Variants in SNPH observed in about 807,000 individuals in gnomAD.
SNPH encodes the protein syntaphilin.
SNPH carries 10 observed loss-of-function variants against 36.8 expected under a neutral mutation model. That is an observed-to-expected ratio of 0.27 (90% CI 0.17 to 0.46). The LOEUF is 0.46. Ranked by LOEUF, SNPH falls within the 20% of genes least tolerant of loss-of-function variation. The pLI is 1.00. For missense variants in SNPH, 622 were observed against 744.0 expected (o/e 0.84, Z 1.91); for synonymous variants, 281 against 312.2 (o/e 0.90, Z 1.05).
chr20:1,276,821 A>G lies in SNPH; in HGVS notation c.-493+10061A>G, dbSNP rs192099491. ...GAACAGGAATGTTATTCCGAGAAAC[A>G]GAACTTCAGTCAGATGGATGTTGGG... On this transcript the variant is annotated intron_variant, in intron 2 of 6. Transcript: ENST00000381867. This position sits in a 1 kb window ranked among gnomAD's most constrained non-coding sequence, Gnocchi z 4.6. Among the ~76,000 whole-genome samples, 19 of 152,352 alleles carry G rather than the reference A, an allele frequency of 1.2e-4. No individual in the cohort carries two copies. Among genetic ancestry groups the G allele is most frequent in the African/African-American group, 4.1e-4 (17 of 41,582 alleles).
At position 1,305,797 on chromosome 20, in the gene SNPH, G is replaced by A; in HGVS notation, c.1360G>A (p.Ala454Thr). The A allele has an allele frequency of 6.3e-7, 1 of 1,597,690 alleles. No homozygotes were observed. The highest frequency in any genetic ancestry group is 1.1e-5 in the South Asian group (1 of 89,166). The change falls in exon 7 of 7, where the codon GCT becomes ACT. Residue 454 changes from alanine to threonine, a missense_variant. By Grantham distance (58) the Ala-to-Thr change is moderately conservative. This residue lies in a region of SNPH where 379 missense variants were observed against 427.9 expected (regional missense o/e 0.89). Transcript: ENST00000381867. Reference protein sequence around the residue: ...VVCPMEEEEEAAVAEKEPKSY... With the variant: ...VVCPMEEEEETAVAEKEPKSY... ...GTGCCCCATGGAAGAGGAGGAGGAG[G>A]CTGCCGTGGCTGAGAAGGAGCCCAA...
rs1349760704 is a variant in SNPH at position 1,307,278 on chromosome 20, A to C, written c.*1224A>C. On this transcript the variant is annotated 3_prime_UTR_variant, in exon 7 of 7. Transcript: ENST00000381867. ...CCAGGCCAAAGCAGGGTGTCCTGGG[A>C]TAGGTTTCCTAGGCAGGGGCGTGGC... The C allele has an allele frequency of 6.6e-6, 1 of 152,224 alleles. No homozygotes were observed. The highest frequency in any genetic ancestry group is 1.5e-5 in the Non-Finnish European group (1 of 67,998). 9.4% of individuals were successfully genotyped at this position (152,224 alleles called of 1,614,324 possible). A position where few individuals can be genotyped will look rare whatever the true frequency, so the allele number is the denominator to read the frequency against.
In SNPH at chr20:1,305,814, G is replaced by T; in HGVS notation, c.1377G>T (p.Lys459Asn). ...EEEEEAAVAE[K>N]EPKSYWSRHY... is the part of the protein sequence containing the mutation. ...AGGAGGAGGCTGCCGTGGCTGAGAA[G>T]GAGCCCAAGAGCTACTGGAGCCGCC... The change falls in exon 7 of 7, where the codon AAG (lysine) becomes AAT (asparagine). Residue 459 changes from lysine (K) to asparagine (N), a missense_variant. Around this residue, in one of 3 missense-constraint regions of SNPH, gnomAD observed 379 missense variants for 427.9 expected, o/e 0.89. Coordinates refer to ENST00000381867, the MANE Select transcript of SNPH (RefSeq NM_001318234.2). 3.2e-6 allele frequency: 5 copies of T among 1,586,868 alleles called. No homozygotes were observed. Among genetic ancestry groups the T allele is most frequent in the South Asian group, 1.1e-5 (1 of 87,872 alleles).
rs555417810 is a variant in SNPH, at chr20:1,289,693, A to C, written c.-492-5258A>C. 5.9e-5 allele frequency among the ~76,000 whole-genome samples: 9 copies of C among 151,524 alleles called. No individual in the cohort carries two copies. In the South Asian group the frequency reaches 1.9e-3, roughly 32 times the overall value. On this transcript the variant is annotated intron_variant, in intron 2 of 6. Coordinates refer to ENST00000381867, the MANE Select transcript of SNPH (RefSeq NM_001318234.2). Reference sequence around the variant, plus strand: ...GACCCCACCTTTAAAAAAAGTAAAAAATAGATTAGCCAGGTGAGGTGGCTA... The same window carrying C: ...GACCCCACCTTTAAAAAAAGTAAAACATAGATTAGCCAGGTGAGGTGGCTA...
chr20:1,267,452 G>A (rs912262816), intron 2 of SNPH, among the ~76,000 whole-genome samples: 8 of 152,182 alleles, frequency 5.3e-5, no homozygotes, highest in Non-Finnish European at 5.9e-5. Flanking sequence ...TGGTGGTGTC[G>A]GGATGGGCTG....
At position 1,284,647 on chromosome 20, in the gene SNPH, C is replaced by T. The variant is rs75955348; in HGVS notation, c.-492-10304C>T. On this transcript the variant is annotated intron_variant, in intron 2 of 6. Transcript: ENST00000381867. ...GACCTGAAGCAGGAGAGAGAATACA[C>T]GGGGCAGAGATCTGGGAGAAGAGCA... Among the ~76,000 whole-genome samples, 6 of 152,078 alleles carry T rather than the reference C, an allele frequency of 3.9e-5. No homozygotes were observed. In the East Asian group the frequency reaches 5.8e-4, roughly 15 times the overall value.
chr20:1,302,695 A>G (rs1362632539), intron 6 of SNPH, among the ~76,000 whole-genome samples: 2 of 152,242 alleles, frequency 1.3e-5, no homozygotes, highest in Non-Finnish European at 2.9e-5. Flanking sequence ...GGATTTGTCT[A>G]TTCTGGACAT....
At chr20:1,275,026 G>A (rs950751723) in intron 2 of SNPH, among the ~76,000 whole-genome samples, 3 of 152,218 alleles carry the variant, frequency 2.0e-5, no homozygotes, top group African/African-American at 7.2e-5. Context: ...TGAGGCAAGT[G>A]TCATGAGGCA....
chr20:1,300,825 C>A (rs2088498490), intron 6 of SNPH, 114 bp downstream of exon 6: 2 of 1,052,988 alleles, frequency 1.9e-6, no homozygotes, highest in Admixed American at 2.9e-5. Flanking sequence ...CTCCCAGCAT[C>A]CGTCTGCTCT....
chr20:1,278,516 C>A (rs911491753), intron 2 of SNPH, among the ~76,000 whole-genome samples: 12 of 152,100 alleles, frequency 7.9e-5, no homozygotes, highest in African/African-American at 2.9e-4. Context: ...GTTTCCTCCC[C>A]CTTCATCCTC....
chr20:1,270,139 C>T (rs2088055462), intron 2 of SNPH, among the ~76,000 whole-genome samples: 1 of 152,198 alleles, frequency 6.6e-6, no homozygotes, highest in African/African-American at 2.4e-5. Flanking sequence ...CACCCTTGTT[C>T]CAGTATTGGA....
intron 5 of SNPH, 42 bp downstream of exon 5, chr20:1,297,294 G>A: frequency 6.3e-7 from 1 of 1,587,818 alleles, no homozygotes; most frequent in Non-Finnish European, 8.6e-7. Context: ...TGCTGGCTGG[G>A]AACAGGTTGT....
intron 2 of SNPH, among the ~76,000 whole-genome samples, chr20:1,280,792 TG>T (rs1345683096): frequency 2.6e-5 from 4 of 152,216 alleles, no homozygotes; most frequent in Admixed American, 2.6e-4. Flanking sequence ...TCTGTTTGGC[TG>T]CCTGACTTCC....
intron 2 of SNPH, among the ~76,000 whole-genome samples, chr20:1,277,975 CTGTG>C (rs545119110): frequency 7.4e-6 from 1 of 134,464 alleles, no homozygotes. Context: ...CTGTGTGTAT[CTGTG>C]TGTGTGGCGT....
chr20:1,266,400 G>T lies in SNPH; in HGVS notation c.-600+3G>T. The T allele has an allele frequency of 2.4e-6, 1 of 421,106 alleles. No individual in the cohort carries two copies. The highest frequency in any genetic ancestry group is 4.1e-6 in the Non-Finnish European group (1 of 241,624). 26.1% of individuals were successfully genotyped at this position (421,106 alleles called of 1,614,324 possible). On this transcript the variant is annotated splice_donor_region_variant and intron_variant, in intron 1 of 6. Coordinates refer to ENST00000381867, the MANE Select transcript of SNPH (RefSeq NM_001318234.2). This position sits in a 1 kb window ranked among gnomAD's most constrained non-coding sequence, Gnocchi z 6.0. The stretch of plus-strand genomic sequence containing the variant: ...TGAAGCCATGGAAGCCTCCGCAGGT[G>T]ATGACAAGGACCCCGGGGATCTCCG...
At chr20:1,300,220 C>T (rs2088488320) in intron 5 of SNPH, among the ~76,000 whole-genome samples, 1 of 152,204 alleles carries the variant, frequency 6.6e-6, no homozygotes, top group Non-Finnish European at 1.5e-5. Flanking sequence ...AAGATGAAGA[C>T]AGTCCCTACT....
chr20:1,280,659 A>G (rs1184179897), intron 2 of SNPH, among the ~76,000 whole-genome samples: 2 of 152,164 alleles, frequency 1.3e-5, no homozygotes, highest in Non-Finnish European at 2.9e-5. Context: ...CCTGGCCCCA[A>G]GTACCGTGGT....
In SNPH at chr20:1,300,615, C is replaced by T. The variant is rs2088494743; in HGVS notation, c.344C>T (p.Thr115Ile). Residue 115 changes from threonine to isoleucine, a missense_variant, in exon 6 of 7, where the codon ACC becomes ATC. By Grantham distance (89) the Thr-to-Ile change is moderately conservative. Around this residue, in one of 3 missense-constraint regions of SNPH, gnomAD observed 187 missense variants for 209.4 expected, o/e 0.89. Transcript: ENST00000381867. The stretch of plus-strand genomic sequence containing the variant: ...GACAACCATGGCATCAAGCCCCCGA[C>T]CCCGGAGCAGTACCTGACCCCCCTG... The part of the protein sequence containing the change: ...CSDNHGIKPP[T>I]PEQYLTPLQQ... 1 of 1,613,740 alleles carries T rather than the reference C, an allele frequency of 6.2e-7. No homozygotes were observed.
intron 2 of SNPH, among the ~76,000 whole-genome samples, chr20:1,271,173 G>A (rs898653835): frequency 4.3e-4 from 65 of 152,226 alleles, no homozygotes; most frequent in African/African-American, 1.6e-3. Context: ...CCAGCACCGA[G>A]GAGTCAGTAG....
Sources: gnomAD v4.1 joint callset for allele counts (sites outside exome capture counted in the v4.1 genomes callset) on GRCh38, gnomAD v4.1.1 for gene constraint, gnomAD v4.1.1 regional missense constraint, Gnocchi (gnomAD v3.1) non-coding constraint, MANE v1.5 for transcripts, NCBI Gene and HGNC (gene_info 2026-07-23, HGNC 2026-07-21) for gene names.